The following VWF variants were observed in gnomAD, a reference collection of about 807,000 sequenced individuals.
The protein encoded by VWF is Factor VIII related antigen.
VWF carries 176 observed loss-of-function variants against 308.6 expected under a neutral mutation model. The observed-to-expected ratio is 0.57, with a 90% confidence interval of 0.50 to 0.65. The LOEUF (loss-of-function observed/expected upper bound fraction) is 0.65, where lower values mean the gene tolerates loss of function less well. Ranked by LOEUF, VWF falls within the 30% of genes least tolerant of loss-of-function variation. The probability of loss-of-function intolerance (pLI) is 0.00; values close to 1 mark genes in which losing one functional copy is unlikely to be tolerated. For missense variants in VWF, 3,146 were observed against 3,648.2 expected (o/e 0.86, Z 3.55); for synonymous variants, 1,385 against 1,443.4 (o/e 0.96, Z 0.92).
intron 16 of VWF, among the ~76,000 whole-genome samples, chr12:6,051,578 A>G (rs4764533): frequency 0.83 from 126,218 of 152,038 alleles, 53,218 homozygotes; most frequent in Middle Eastern, 0.91. Context: ...CTGGCCAATC[A>G]GGATGTTTCT....
In VWF at chr12:6,022,822, G is replaced by C. The variant is rs1944143125; in HGVS notation, c.3456C>G (p.Ala1152=). 5 of 541,854 alleles carry C rather than the reference G, an allele frequency of 9.2e-6. No individual in the cohort carries two copies. The highest frequency in any genetic ancestry group is 1.6e-5 in the Non-Finnish European group (5 of 317,352). The allele number at this position is 541,854 out of a possible 1,614,324, so 33.6% of individuals were successfully genotyped here. ...CAGGGTGCTGACACGTGACTTGACAGGCAGGTGCACAGCTGTTATAGCGCC... is the reference window on the plus strand; with the variant it reads ...CAGGGTGCTGACACGTGACTTGACACGCAGGTGCACAGCTGTTATAGCGCC... ...CEWRYNSCAP[A]CQVTCQHPEP... Residue 1152 remains alanine, a synonymous_variant, in exon 26 of 52, where the codon GCC becomes GCG. Coordinates refer to ENST00000261405, the MANE Select transcript of VWF (RefSeq NM_000552.5).
intron 31 of VWF, among the ~76,000 whole-genome samples, chr12:6,014,433 G>A (rs1402966060): frequency 6.6e-6 from 1 of 152,194 alleles, no homozygotes; most frequent in African/African-American, 2.4e-5. Flanking sequence ...CAATAGTCCA[G>A]GTGAGAGATG....
rs1339047154 is a variant in VWF at position 6,119,828 on chromosome 12, A to G, written c.220+1346T>C. 2.6e-5 allele frequency among the ~76,000 whole-genome samples: 4 copies of G among 152,220 alleles called. No individual in the cohort carries two copies. In the South Asian group the frequency reaches 8.3e-4, roughly 32 times the overall value. ...CTCACTGCACTCCAGCCTGGGCAAC[A>G]GAGCAAGACTCCGTCTCAAAAATAA... On this transcript the variant is annotated intron_variant, in intron 3 of 51. Coordinates refer to ENST00000261405, the MANE Select transcript of VWF (RefSeq NM_000552.5).
chr12:6,114,202 G>A lies in VWF; in HGVS notation c.221-3234C>T, dbSNP rs369974188. Among the ~76,000 whole-genome samples the A allele has an allele frequency of 3.3e-5, 5 of 152,280 alleles. No individual in the cohort carries two copies. The East Asian group carries it at 9.7e-4, about 29-fold the overall frequency. The stretch of plus-strand genomic sequence containing the variant: ...CTGGGGATGCAGAAAGGGTGGGTGG[G>A]ACCAAGTCTCCCAGGGACTGTGGCT... On this transcript the variant is annotated intron_variant, in intron 3 of 51. Transcript: ENST00000261405.
intron 34 of VWF, among the ~76,000 whole-genome samples, chr12:6,000,725 T>A (rs1190158008): frequency 7.1e-6 from 1 of 140,042 alleles, no homozygotes; most frequent in South Asian, 2.2e-4. Context: ...GGCAGGAGAA[T>A]GGCGTGAACC....
intron 9 of VWF, 116 bp downstream of exon 9, chr12:6,072,215 C>A (rs1479751308): frequency 1.1e-6 from 1 of 937,198 alleles, no homozygotes; most frequent in Non-Finnish European, 1.7e-6. Context: ...AACTCAGTCT[C>A]TTCTTTCTTG....
Position 6,063,284 on chromosome 12 carries a change from C to A in VWF, c.1433-230G>T, listed in dbSNP as rs746421296. Among the ~76,000 whole-genome samples, 1 of 152,132 alleles carries A rather than the reference C, an allele frequency of 6.6e-6. No homozygotes were observed. Among genetic ancestry groups the A allele is most frequent in the Non-Finnish European group, 1.5e-5 (1 of 68,020 alleles). ...CCCAGGAAGAAGCCTCTGCACCCCC[C>A]GCTATGACCTGCCATTCCCCCTACT... On this transcript the variant is annotated intron_variant, in intron 12 of 51. Coordinates refer to ENST00000261405, the MANE Select transcript of VWF (RefSeq NM_000552.5). The surrounding 1 kb of genome is among the most constrained non-coding windows in gnomAD (Gnocchi z 4.9).
chr12:6,048,594 C>A (rs1024561401), intron 16 of VWF, among the ~76,000 whole-genome samples: 7 of 152,236 alleles, frequency 4.6e-5, no homozygotes, highest in African/African-American at 1.7e-4. Context: ...TCCAGAGTAG[C>A]TGGGATTACA....
chr12:5,963,800 T>C (rs997694194), intron 47 of VWF, among the ~76,000 whole-genome samples: 7 of 152,206 alleles, frequency 4.6e-5, no homozygotes, highest in Non-Finnish European at 1.0e-4. Flanking sequence ...GCGCCTTATT[T>C]ATATCTGCAT....
chr12:6,113,163 G>A (rs896451349), intron 3 of VWF, among the ~76,000 whole-genome samples: 3 of 152,146 alleles, frequency 2.0e-5, no homozygotes, highest in Non-Finnish European at 4.4e-5. Context: ...GAGCTGAGGT[G>A]TCTCCCTTGC....
chr12:6,039,619 T>C (rs1410293398), intron 18 of VWF, among the ~76,000 whole-genome samples: 5 of 152,142 alleles, frequency 3.3e-5, no homozygotes, highest in Non-Finnish European at 7.3e-5. Context: ...CCAAAATGAA[T>C]TTTTGCTTAT....
intron 32 of VWF, among the ~76,000 whole-genome samples, chr12:6,012,601 AG>A (rs1944009571): frequency 6.6e-6 from 1 of 152,170 alleles, no homozygotes; most frequent in Admixed American, 6.5e-5. Context: ...ATTCCCCCGA[AG>A]GACAGTAGCT....
intron 15 of VWF, among the ~76,000 whole-genome samples, chr12:6,056,599 C>A (rs2136453705): frequency 6.6e-6 from 1 of 152,276 alleles, no homozygotes; most frequent in Non-Finnish European, 1.5e-5. Flanking sequence ...GGGACCCCCA[C>A]GTTCTAGGCC....
intron 34 of VWF, among the ~76,000 whole-genome samples, chr12:6,001,517 A>G (rs1015098882): frequency 1.3e-5 from 2 of 152,222 alleles, no homozygotes; most frequent in African/African-American, 2.4e-5. Context: ...GTGACTAATA[A>G]GAGCATTCTG....
chr12:5,983,823 GAGGATAGATGATAA>G, intron 40 of VWF, among the ~76,000 whole-genome samples: 1 of 84,796 alleles, frequency 1.2e-5, no homozygotes, highest in Admixed American at 1.3e-4. Context: ...ATAGATGATA[GAGGATAGATGATAA>G]ATAGATATAT....
intron 38 of VWF, among the ~76,000 whole-genome samples, chr12:5,988,744 C>T (rs1457727061): frequency 1.3e-5 from 2 of 152,202 alleles, no homozygotes; most frequent in African/African-American, 2.4e-5. Flanking sequence ...TATGCAGCAA[C>T]GCGGCCGGCA....
intron 34 of VWF, among the ~76,000 whole-genome samples, chr12:5,998,789 G>A (rs1019668506): frequency 2.9e-4 from 44 of 151,998 alleles, no homozygotes; most frequent in African/African-American, 9.2e-4. Flanking sequence ...GCGCAATGGC[G>A]CGATCTTGGC....
chr12:6,021,292 C>T (rs114777022), intron 27 of VWF: 9,707 of 153,922 alleles, frequency 0.063, 1,005 homozygotes, highest in African/African-American at 0.22. Flanking sequence ...TTAATAAATG[C>T]TCCCTACTTA....
At chr12:6,041,366 G>T (rs1464121886) in intron 18 of VWF, among the ~76,000 whole-genome samples, 2 of 151,664 alleles carry the variant, frequency 1.3e-5, no homozygotes, top group East Asian at 3.9e-4. Context: ...GGAGGTGGGG[G>T]TTGCAGTGAG....
Sources: gnomAD v4.1 joint callset for allele counts (sites outside exome capture counted in the v4.1 genomes callset) on GRCh38, gnomAD v4.1.1 for gene constraint, Gnocchi (gnomAD v3.1) non-coding constraint, MANE v1.5 for transcripts, NCBI Gene and HGNC (gene_info 2026-07-23, HGNC 2026-07-21) for gene names.